OSBPL10: variants seen among roughly 807,000 people sequenced by gnomAD.
The protein encoded by OSBPL10 is oxysterol binding protein like 10.
In OSBPL10, 49 loss-of-function variants were observed where a neutral mutation model predicts 81.7. The observed-to-expected ratio is 0.60, with a 90% confidence interval of 0.48 to 0.76. The LOEUF (loss-of-function observed/expected upper bound fraction) is 0.76. Ranked by LOEUF, OSBPL10 falls within the 30% of genes least tolerant of loss-of-function variation. The pLI, the probability that OSBPL10 is intolerant of heterozygous loss-of-function variation, is 0.00. For synonymous variants in OSBPL10, 419 were observed against 383.6 expected, an observed-to-expected ratio of 1.09 and a Z score of -1.08; for missense variants, 923 against 987.8, an observed-to-expected ratio of 0.93 and a Z score of 0.88.
At chr3:31,867,448 G>C (rs1348018441) in intron 3 of OSBPL10, among the ~76,000 whole-genome samples, 1 of 152,082 alleles carries the variant, frequency 6.6e-6, no homozygotes. Flanking sequence ...AGCTAATCAA[G>C]AACAGGACAC....
intron 1 of OSBPL10, among the ~76,000 whole-genome samples, chr3:32,067,756 C>T (rs1434024786): frequency 2.0e-5 from 3 of 152,168 alleles, no homozygotes; most frequent in South Asian, 2.1e-4. Flanking sequence ...ACCCACAAAA[C>T]ATTGCTCCTA....
intron 3 of OSBPL10, among the ~76,000 whole-genome samples, chr3:31,870,758 G>T (rs565744769): frequency 3.3e-5 from 5 of 152,158 alleles, no homozygotes; most frequent in Non-Finnish European, 7.3e-5. Flanking sequence ...GTGGGGCCTT[G>T]GAGAACCTTT....
intron 3 of OSBPL10, among the ~76,000 whole-genome samples, chr3:31,843,913 G>T (rs1700565275): frequency 1.3e-5 from 2 of 152,156 alleles, no homozygotes; most frequent in African/African-American, 2.4e-5. Flanking sequence ...TCAAACACAG[G>T]CAGCAGCCAT....
chr3:31,806,070 G>C (rs1260446387), intron 4 of OSBPL10, among the ~76,000 whole-genome samples: 1 of 152,092 alleles, frequency 6.6e-6, no homozygotes, highest in East Asian at 1.9e-4. Flanking sequence ...GCTGATCAAG[G>C]GCAGGCCAGG....
At chr3:31,677,073 T>G (rs1254539565) in intron 8 of OSBPL10, among the ~76,000 whole-genome samples, 1 of 152,112 alleles carries the variant, frequency 6.6e-6, no homozygotes, top group Non-Finnish European at 1.5e-5. Flanking sequence ...CAATTCCAAG[T>G]GGACCCATGT....
intron 1 of OSBPL10, among the ~76,000 whole-genome samples, chr3:32,072,458 A>T (rs1412850058): frequency 6.6e-6 from 1 of 152,056 alleles, no homozygotes; most frequent in Non-Finnish European, 1.5e-5. Flanking sequence ...TTCCCACACA[A>T]AGCAAATTGT....
intron 1 of OSBPL10, among the ~76,000 whole-genome samples, chr3:31,975,716 G>C (rs1020135577): frequency 7.2e-5 from 11 of 152,194 alleles, no homozygotes; most frequent in African/African-American, 2.7e-4. Flanking sequence ...AGCAGGTACA[G>C]AACCAAGACT....
chr3:31,902,255 AGTAT>A (rs1302870523), intron 1 of OSBPL10, among the ~76,000 whole-genome samples: 1 of 123,410 alleles, frequency 8.1e-6, no homozygotes, highest in Non-Finnish European at 1.7e-5. Flanking sequence ...GCTTCTTGTC[AGTAT>A]TTTTTTTTTT....
At chr3:31,986,993 C>CAAGA (rs1280645117) in intron 2 of OSBPL10, among the ~76,000 whole-genome samples, 2 of 152,028 alleles carry the variant, frequency 1.3e-5, no homozygotes, top group Admixed American at 1.3e-4. Flanking sequence ...AGTGACAGAG[C>CAAGA]AAGACCCTAT....
At chr3:31,663,988 C>T (rs763544246) in intron 11 of OSBPL10, 91 bp downstream of exon 11, 2 of 1,613,058 alleles carry the variant, frequency 1.2e-6, no homozygotes, top group East Asian at 2.2e-5. Context: ...GGTATTTATC[C>T]AGTCTTGGGG....
At chr3:31,692,066 T>C (rs1375342840) in intron 7 of OSBPL10, among the ~76,000 whole-genome samples, 1 of 152,122 alleles carries the variant, frequency 6.6e-6, no homozygotes, top group Non-Finnish European at 1.5e-5. Flanking sequence ...TGGGAAGAGT[T>C]TGAAATAAAA....
intron 1 of OSBPL10, among the ~76,000 whole-genome samples, chr3:31,966,587 G>A (rs1698410554): frequency 6.6e-6 from 1 of 151,920 alleles, no homozygotes; most frequent in Admixed American, 6.6e-5. Context: ...ACCAATATCA[G>A]GGAGAAGAAA....
At chr3:31,947,946 G>T (rs1207934115) in intron 1 of OSBPL10, among the ~76,000 whole-genome samples, 2 of 151,722 alleles carry the variant, frequency 1.3e-5, no homozygotes, top group East Asian at 3.9e-4. Flanking sequence ...AGTTTGTGCT[G>T]CCAGGAAGCA....
chr3:32,076,259 T>C (rs1699875391), intron 1 of OSBPL10, among the ~76,000 whole-genome samples: 1 of 151,856 alleles, frequency 6.6e-6, no homozygotes, highest in Admixed American at 6.6e-5. Flanking sequence ...TCCCAGCTAC[T>C]CAGGAGGCTG....
rs939707395 is a variant in OSBPL10 at position 31,879,638 on chromosome 3, C to G, written c.457+17G>C. The G allele has an allele frequency of 1.3e-6, 2 of 1,595,016 alleles. No homozygotes were observed. The highest frequency in any genetic ancestry group is 8.5e-7 in the Non-Finnish European group (1 of 1,172,938). Reference sequence around the variant, plus strand: ...AACTAGAGGCCTGTCTGAAAAGTTACTGGGAGAAGAACGCACCTCTCAGTT... The same window carrying G: ...AACTAGAGGCCTGTCTGAAAAGTTAGTGGGAGAAGAACGCACCTCTCAGTT... On this transcript the variant is annotated intron_variant, in intron 2 of 11. Transcript: ENST00000396556.
At chr3:31,680,016 C>T (rs1289644878) in intron 8 of OSBPL10, among the ~76,000 whole-genome samples, 1 of 152,140 alleles carries the variant, frequency 6.6e-6, no homozygotes, top group East Asian at 1.9e-4. Flanking sequence ...TGGGCTGAAA[C>T]ACCTTTTTGA....
At chr3:31,951,007 T>C (rs956268835) in intron 1 of OSBPL10, among the ~76,000 whole-genome samples, 1 of 152,198 alleles carries the variant, frequency 6.6e-6, no homozygotes, top group Non-Finnish European at 1.5e-5. Context: ...TTTATAGCAA[T>C]GCAAAACGGA....
At chr3:31,961,722 T>C (rs1698169475) in intron 1 of OSBPL10, among the ~76,000 whole-genome samples, 1 of 152,100 alleles carries the variant, frequency 6.6e-6, no homozygotes, top group African/African-American at 2.4e-5. Context: ...CATCTCAGCC[T>C]CCTGAGTATT....
intron 8 of OSBPL10, among the ~76,000 whole-genome samples, chr3:31,677,878 G>A (rs996795464): frequency 4.0e-5 from 6 of 151,344 alleles, no homozygotes; most frequent in East Asian, 2.0e-4. Flanking sequence ...TCAGGAGATC[G>A]AGACCATCCT....
Sources: gnomAD v4.1 joint callset for allele counts (sites outside exome capture counted in the v4.1 genomes callset) on GRCh38, gnomAD v4.1.1 for gene constraint, MANE v1.5 for transcripts, NCBI Gene and HGNC (gene_info 2026-07-23, HGNC 2026-07-21) for gene names.